Variants in MYO1E observed in about 807,000 individuals in gnomAD.
MYO1E encodes myosin IE.
Under a neutral mutation model 151.1 loss-of-function variants are expected in MYO1E, and 68 were observed. That is an observed-to-expected ratio of 0.45 (90% CI 0.37 to 0.55). The LOEUF is 0.55. Ranked by LOEUF, MYO1E falls within the 20% of genes least tolerant of loss-of-function variation. The probability of loss-of-function intolerance (pLI) is 0.00; values close to 1 mark genes in which losing one functional copy is unlikely to be tolerated. For synonymous variants in MYO1E, 601 were observed against 501.7 expected (o/e 1.20, Z -2.64); for missense variants, 1,363 against 1,389.3 (o/e 0.98, Z 0.30).
intron 1 of MYO1E, among the ~76,000 whole-genome samples, chr15:59,276,231 TCTCTTCAGAGGGCAAAGGCA>T (rs2080318084): frequency 6.6e-6 from 1 of 152,132 alleles, no homozygotes. Context: ...GGGCAGCCAT[TCTCTTCAGAGGGCAAAGGCA>T]TTGTTTATTG....
intron 7 of MYO1E, among the ~76,000 whole-genome samples, chr15:59,225,707 T>C (rs1490374082): frequency 1.3e-5 from 2 of 150,234 alleles, no homozygotes; most frequent in African/African-American, 4.9e-5. Context: ...AGTGCACTGG[T>C]GCGATCTCCG....
At chr15:59,220,543 T>A (rs1013047906) in intron 9 of MYO1E, among the ~76,000 whole-genome samples, 2 of 152,152 alleles carry the variant, frequency 1.3e-5, no homozygotes, top group Admixed American at 1.3e-4. Context: ...AATCTTACCA[T>A]TTTTTTCCAT....
intron 5 of MYO1E, 38 bp from the exon 6 acceptor site, chr15:59,231,829 A>C (rs376912992): frequency 2.5e-6 from 4 of 1,591,300 alleles, no homozygotes; most frequent in Middle Eastern, 1.7e-4. Context: ...GGAAGGTGTG[A>C]ACACCTACCA....
intron 26 of MYO1E, among the ~76,000 whole-genome samples, chr15:59,148,295 C>A (rs555797214): frequency 6.6e-6 from 1 of 152,338 alleles, no homozygotes; most frequent in East Asian, 1.9e-4. Flanking sequence ...TCACCCTACT[C>A]TTACAGATGC....
intron 16 of MYO1E, among the ~76,000 whole-genome samples, chr15:59,196,915 G>C (rs1457503240): frequency 1.5e-5 from 2 of 130,608 alleles, no homozygotes; most frequent in African/African-American, 5.5e-5. Context: ...GCTTTTTTTT[G>C]TTCTTAAAAT....
intron 1 of MYO1E, among the ~76,000 whole-genome samples, chr15:59,325,535 T>C (rs756362877): frequency 2.5e-4 from 38 of 152,310 alleles, no homozygotes; most frequent in Non-Finnish European, 2.1e-4. Context: ...TTTTATGGAG[T>C]TTGATAGTGC....
chr15:59,170,962 A>G (rs1413883648), intron 22 of MYO1E, among the ~76,000 whole-genome samples: 2 of 152,300 alleles, frequency 1.3e-5, no homozygotes, highest in Non-Finnish European at 2.9e-5. Context: ...TTCATGTGAG[A>G]GCAGAACATC....
chr15:59,239,183 GCA>G (rs1309930967), intron 4 of MYO1E, among the ~76,000 whole-genome samples: 1 of 150,514 alleles, frequency 6.6e-6, no homozygotes, highest in Non-Finnish European at 1.5e-5. Context: ...TCCATCCTGG[GCA>G]ACAAGAATGA....
At chr15:59,222,867 G>T (rs971911721) in intron 9 of MYO1E, among the ~76,000 whole-genome samples, 192 bp downstream of exon 9, 3 of 152,210 alleles carry the variant, frequency 2.0e-5, no homozygotes, top group Admixed American at 2.0e-4. Flanking sequence ...AAGGCTGGGG[G>T]TAAGGACAGG....
intron 26 of MYO1E, among the ~76,000 whole-genome samples, chr15:59,142,612 T>C (rs1037012630): frequency 6.6e-6 from 1 of 152,186 alleles, no homozygotes; most frequent in Non-Finnish European, 1.5e-5. Flanking sequence ...AAAATCTTTC[T>C]AACAGCTTCT....
At chr15:59,197,005 T>TTTTTC (rs1173511582) in intron 16 of MYO1E, among the ~76,000 whole-genome samples, 1 of 133,846 alleles carries the variant, frequency 7.5e-6, no homozygotes, top group Non-Finnish European at 1.6e-5. Context: ...TTTTTTTTTT[T>TTTTTC]TTTTTGAGAT....
chr15:59,370,504 T>C (rs1170901844), intron 1 of MYO1E, among the ~76,000 whole-genome samples: 1 of 152,240 alleles, frequency 6.6e-6, no homozygotes, highest in Non-Finnish European at 1.5e-5. Context: ...TCAGCAACCA[T>C]ATCTGATGCA....
At chr15:59,276,546 A>T (rs1349151097) in intron 1 of MYO1E, among the ~76,000 whole-genome samples, 2 of 152,226 alleles carry the variant, frequency 1.3e-5, no homozygotes, top group East Asian at 3.8e-4. Context: ...GATTGAGTGC[A>T]GACACTCTCA....
chr15:59,287,335 T>C (rs74020346), intron 1 of MYO1E, among the ~76,000 whole-genome samples: 2,072 of 152,314 alleles, frequency 0.014, 45 homozygotes, highest in African/African-American at 0.047. Flanking sequence ...TTATCTTCTA[T>C]TGATGTGTCC....
intron 1 of MYO1E, among the ~76,000 whole-genome samples, chr15:59,321,482 C>T (rs1205152774): frequency 6.6e-6 from 1 of 152,200 alleles, no homozygotes; most frequent in Non-Finnish European, 1.5e-5. Context: ...ACATATATAC[C>T]ATGGAGTACT....
intron 2 of MYO1E, among the ~76,000 whole-genome samples, chr15:59,265,216 T>C (rs182878098): frequency 5.9e-5 from 9 of 152,234 alleles, no homozygotes; most frequent in African/African-American, 2.2e-4. Flanking sequence ...CTTGTTCCCT[T>C]AGTTGTAAAG....
chr15:59,240,225 T>C (rs67037466), intron 4 of MYO1E, among the ~76,000 whole-genome samples: 23,441 of 152,090 alleles, frequency 0.15, 2,723 homozygotes, highest in East Asian at 0.53. Flanking sequence ...TGGATCCCAG[T>C]CTCCAGGGAC....
chr15:59,310,172 C>T (rs1317534284), intron 1 of MYO1E, among the ~76,000 whole-genome samples: 2 of 152,120 alleles, frequency 1.3e-5, no homozygotes, highest in Non-Finnish European at 1.5e-5. Context: ...CTTCCTAGCG[C>T]TCACGAAGAA....
intron 1 of MYO1E, among the ~76,000 whole-genome samples, chr15:59,347,246 C>T (rs912534945): frequency 2.0e-5 from 3 of 152,152 alleles, no homozygotes; most frequent in Non-Finnish European, 4.4e-5. Flanking sequence ...CATTGTGAAC[C>T]GAATATACGC....
Sources: allele counts gnomAD v4.1 joint callset (sites outside exome capture counted in the v4.1 genomes callset), GRCh38; gene constraint gnomAD v4.1.1; transcripts MANE v1.5; gene names NCBI Gene and HGNC (gene_info 2026-07-23, HGNC 2026-07-21).